The following MACROD2 variants were observed in gnomAD, a reference collection of about 807,000 sequenced individuals.
MACROD2 encodes the protein mono-ADP ribosylhydrolase 2.
Under a neutral mutation model 70.4 loss-of-function variants are expected in MACROD2, and 36 were observed. That is an observed-to-expected ratio of 0.51 (90% CI 0.39 to 0.68). The LOEUF (loss-of-function observed/expected upper bound fraction) is 0.68, where lower values mean the gene tolerates loss of function less well. Ranked by LOEUF, MACROD2 falls within the 30% of genes least tolerant of loss-of-function variation. The pLI, the probability that MACROD2 is intolerant of heterozygous loss-of-function variation, is 0.00. For synonymous variants in MACROD2, 172 were observed against 178.8 expected (o/e 0.96, Z 0.30); for missense variants, 496 against 538.4 (o/e 0.92, Z 0.78).
At position 13,999,350 on chromosome 20, in the gene MACROD2, G is replaced by A. The variant is rs1395774953; in HGVS notation, c.47-2938G>A. 3.9e-5 allele frequency among the ~76,000 whole-genome samples: 6 copies of A among 152,140 alleles called. No individual in the cohort carries two copies. In the South Asian group the frequency reaches 1.0e-3, roughly 26 times the overall value. ...GTCCTTCATTGTCTTCTGGATTTCCGTTATATTCTAATGAAACTAATGTTC... is the reference window on the plus strand; with the variant it reads ...GTCCTTCATTGTCTTCTGGATTTCCATTATATTCTAATGAAACTAATGTTC... On this transcript the variant is annotated intron_variant, in intron 1 of 17. Transcript: ENST00000684519.
At chr20:15,033,893 A>C (rs1431040908) in intron 5 of MACROD2, among the ~76,000 whole-genome samples, 1 of 152,232 alleles carries the variant, frequency 6.6e-6, no homozygotes, top group Non-Finnish European at 1.5e-5. Flanking sequence ...TGCAGTTAAA[A>C]GGTGGGTAGG....
intron 15 of MACROD2, among the ~76,000 whole-genome samples, chr20:16,019,608 A>T (rs1368041327): frequency 6.6e-6 from 1 of 152,158 alleles, no homozygotes. Flanking sequence ...CTTCTTGTGC[A>T]TCTTGTAACT....
intron 3 of MACROD2, among the ~76,000 whole-genome samples, chr20:14,188,205 C>G (rs566228318): frequency 6.6e-6 from 1 of 152,242 alleles, no homozygotes; most frequent in East Asian, 1.9e-4. Flanking sequence ...TGATCCCCAT[C>G]TATGAATCAG....
chr20:15,308,156 A>G (rs2077716119), intron 6 of MACROD2, among the ~76,000 whole-genome samples: 1 of 152,132 alleles, frequency 6.6e-6, no homozygotes, highest in Middle Eastern at 3.2e-3. Context: ...TCTTTTTGTA[A>G]TTAATTTATA....
chr20:14,239,168 G>A (rs2081906936), intron 3 of MACROD2, among the ~76,000 whole-genome samples: 1 of 151,820 alleles, frequency 6.6e-6, no homozygotes, highest in Admixed American at 6.6e-5. Flanking sequence ...GTTAACTATA[G>A]AGGTTAAAGG....
At chr20:14,233,863 A>G (rs1417268582) in intron 3 of MACROD2, among the ~76,000 whole-genome samples, 3 of 152,164 alleles carry the variant, frequency 2.0e-5, no homozygotes, top group African/African-American at 7.2e-5. Context: ...AGGCAAAACT[A>G]TAGAGACAAT....
chr20:15,471,907 A>G (rs1417775601), intron 7 of MACROD2, among the ~76,000 whole-genome samples: 1 of 152,178 alleles, frequency 6.6e-6, no homozygotes, highest in Admixed American at 6.5e-5. Flanking sequence ...CTTTCACAGC[A>G]AACAAATCTG....
intron 8 of MACROD2, among the ~76,000 whole-genome samples, chr20:15,755,134 C>A (rs933167542): frequency 6.6e-6 from 1 of 152,186 alleles, no homozygotes; most frequent in Admixed American, 6.5e-5. Context: ...GCTGAAATTA[C>A]AGGCATGAGC....
At chr20:15,581,076 C>T (rs1011113300) in intron 8 of MACROD2, among the ~76,000 whole-genome samples, 3 of 152,060 alleles carry the variant, frequency 2.0e-5, no homozygotes, top group African/African-American at 7.2e-5. Flanking sequence ...GGACTTTAGG[C>T]AGATAAAGGA....
chr20:14,634,866 G>A (rs562474459), intron 4 of MACROD2, among the ~76,000 whole-genome samples: 5 of 152,296 alleles, frequency 3.3e-5, no homozygotes, highest in African/African-American at 1.2e-4. Flanking sequence ...CATAATTCTT[G>A]CAAGGGAGAG....
chr20:14,816,397 G>A (rs2072774339), intron 5 of MACROD2, among the ~76,000 whole-genome samples: 1 of 151,914 alleles, frequency 6.6e-6, no homozygotes, highest in Non-Finnish European at 1.5e-5. Flanking sequence ...AGTATACCCA[G>A]TATAAGGCAA....
intron 3 of MACROD2, among the ~76,000 whole-genome samples, chr20:14,126,270 G>A (rs999323954): frequency 2.6e-5 from 4 of 152,176 alleles, no homozygotes; most frequent in African/African-American, 9.7e-5. Flanking sequence ...CTCTGTGCAT[G>A]CGCTTCCCTG....
chr20:14,789,941 T>C (rs948007361), intron 5 of MACROD2, among the ~76,000 whole-genome samples: 2 of 152,122 alleles, frequency 1.3e-5, no homozygotes, highest in Non-Finnish European at 2.9e-5. Flanking sequence ...AGGAAAACCA[T>C]ATAAAAATGA....
At chr20:15,341,994 C>A (rs1033203469) in intron 6 of MACROD2, among the ~76,000 whole-genome samples, 12 of 152,182 alleles carry the variant, frequency 7.9e-5, no homozygotes, top group African/African-American at 2.9e-4. Flanking sequence ...TTTGAGGCTG[C>A]AGTGAGCTTT....
chr20:15,643,679 C>A (rs1003381739), intron 8 of MACROD2, among the ~76,000 whole-genome samples: 3 of 152,146 alleles, frequency 2.0e-5, no homozygotes, highest in African/African-American at 7.2e-5. Context: ...AAAACCAAAT[C>A]GTGTGCTAAC....
At chr20:15,579,826 A>T (rs952439248) in intron 8 of MACROD2, among the ~76,000 whole-genome samples, 1 of 152,240 alleles carries the variant, frequency 6.6e-6, no homozygotes, top group African/African-American at 2.4e-5. Flanking sequence ...AAATATAATT[A>T]TAAGGATGTT....
At chr20:14,998,348 G>A (rs2074967275) in intron 5 of MACROD2, among the ~76,000 whole-genome samples, 1 of 152,118 alleles carries the variant, frequency 6.6e-6, no homozygotes, top group Admixed American at 6.6e-5. Flanking sequence ...TAGCTGTTTT[G>A]AAGAAGCTCA....
intron 5 of MACROD2, among the ~76,000 whole-genome samples, chr20:14,745,140 C>T (rs2071783556): frequency 6.6e-6 from 1 of 152,072 alleles, no homozygotes. Flanking sequence ...CTAGGGACTT[C>T]CTGGGCATCC....
intron 5 of MACROD2, among the ~76,000 whole-genome samples, chr20:15,079,919 T>C (rs1235986256): frequency 6.6e-6 from 1 of 152,036 alleles, no homozygotes; most frequent in Non-Finnish European, 1.5e-5. Flanking sequence ...TGTTTTCAAC[T>C]TTCCCCAGAG....
Sources: allele counts gnomAD v4.1 joint callset (sites outside exome capture counted in the v4.1 genomes callset), GRCh38; gene constraint gnomAD v4.1.1; transcripts MANE v1.5; gene names NCBI Gene and HGNC (gene_info 2026-07-23, HGNC 2026-07-21).